The following PCDHA6 variants were observed in gnomAD, a reference collection of about 807,000 sequenced individuals.
The protein encoded by PCDHA6 is protocadherin alpha 6, also known as protocadherin alpha-6.
In PCDHA6, 55 loss-of-function variants were observed where a neutral mutation model predicts 60.3. The ratio of observed to expected loss-of-function variants is 0.91; its 90% confidence interval spans 0.73 to 1.14. PCDHA6 has a LOEUF of 1.14. Ranked by LOEUF, PCDHA6 falls within the 50% of genes most tolerant of loss-of-function variation. The pLI, the probability that PCDHA6 is intolerant of heterozygous loss-of-function variation, is 0.00. For synonymous variants in PCDHA6, 652 were observed against 557.9 expected (o/e 1.17, Z -2.38); for missense variants, 1,327 against 1,256.5 (o/e 1.06, Z -0.85).
At chr5:140,866,798 C>T (rs900250117) in intron 1 of PCDHA6, 1 of 152,110 alleles carries the variant, frequency 6.6e-6, no homozygotes, top group Non-Finnish European at 1.5e-5. Context: ...TAGTAAAAGT[C>T]AGGCACAAAG....
intron 1 of PCDHA6, among the ~76,000 whole-genome samples, chr5:140,891,837 G>T (rs563744812): frequency 2.9e-4 from 44 of 152,264 alleles, no homozygotes; most frequent in Admixed American, 1.9e-3. Flanking sequence ...AAAAGGACTT[G>T]ATGGAAGGAG....
intron 1 of PCDHA6, chr5:140,858,289 T>G: frequency 6.3e-7 from 1 of 1,597,184 alleles, no homozygotes; most frequent in African/African-American, 1.3e-5. Context: ...GGAGCTGGTC[T>G]TACTCGCAGC....
At chr5:141,001,985 GAAGTTC>G in intron 3 of PCDHA6, among the ~76,000 whole-genome samples, 1 of 152,312 alleles carries the variant, frequency 6.6e-6, no homozygotes, top group Admixed American at 6.5e-5. Context: ...GGAAAGCCTG[GAAGTTC>G]ACTTGCAAAC....
At chr5:140,831,334 C>G (rs188335072) in intron 1 of PCDHA6, 4 of 150,940 alleles carry the variant, frequency 2.7e-5, no homozygotes, top group African/African-American at 9.8e-5. Context: ...TGTTTCTACA[C>G]AGTAATTTAA....
chr5:140,853,754 A>C, intron 1 of PCDHA6: 1 of 988,728 alleles, frequency 1.0e-6, no homozygotes, highest in Non-Finnish European at 1.2e-6. Flanking sequence ...TCAAGGCTCC[A>C]CCTCAGAAAT....
chr5:140,875,261 G>A lies in PCDHA6; in HGVS notation c.2394+44776G>A. ...CTTACATAATCAGTCACATGATGTC[G>A]CTCTACACTCAGAAGGTGAAACAGG... On this transcript the variant is annotated intron_variant, in intron 1 of 3. Transcript: ENST00000529310. 4.4e-6 allele frequency: 5 copies of A among 1,130,464 alleles called. No individual in the cohort carries two copies. In the South Asian group the frequency reaches 7.4e-5, roughly 17 times the overall value. 70.0% of individuals were successfully genotyped at this position (1,130,464 alleles called of 1,614,324 possible).
intron 1 of PCDHA6, chr5:140,834,783 C>G (rs2150226514): frequency 3.1e-6 from 5 of 1,613,810 alleles, no homozygotes; most frequent in Non-Finnish European, 4.2e-6. Flanking sequence ...TCCGGTGTTC[C>G]CAGCGACACA....
At chr5:140,902,324 C>A (rs1554190388) in intron 1 of PCDHA6, among the ~76,000 whole-genome samples, 1 of 151,472 alleles carries the variant, frequency 6.6e-6, no homozygotes, top group Non-Finnish European at 1.5e-5. Context: ...AGGTGTAACT[C>A]ACTTCGCCTG....
chr5:140,884,057 G>A (rs141156800), intron 1 of PCDHA6: 6 of 1,613,540 alleles, frequency 3.7e-6, no homozygotes, highest in Non-Finnish European at 5.1e-6. Context: ...GGTGCGCGCG[G>A]TGGACGCCGA....
rs374028253 is a variant in PCDHA6, at chr5:140,876,864, G to C, written c.2394+46379G>C. ...CGCAGCCCGAGTACACAGTGTTCGT[G>C]AAGGAGAACAACCCGCCGGGCTGCC... is the stretch of plus-strand genomic sequence containing the variant. On this transcript the variant is annotated intron_variant, in intron 1 of 3. Transcript: ENST00000529310. The C allele has an allele frequency of 5.1e-5, 82 of 1,614,026 alleles. No individual in the cohort carries two copies. The African/African-American group carries it at 1.0e-3, about 20-fold the overall frequency.
At position 140,841,506 on chromosome 5, in the gene PCDHA6, G is replaced by C. The variant is rs2150316870; in HGVS notation, c.2394+11021G>C. ...CTGGAGCTGGCGGAGCTGGTGCCGC[G>C]CCTGTTCCGGGTGGCGTCCAAAAGA... On this transcript the variant is annotated intron_variant, in intron 1 of 3. Coordinates refer to ENST00000529310, the MANE Select transcript of PCDHA6 (RefSeq NM_018909.4). 4 of 1,613,388 alleles carry C rather than the reference G, an allele frequency of 2.5e-6. No homozygotes were observed. Among genetic ancestry groups the C allele is most frequent in the Admixed American group, 1.7e-5 (1 of 60,006 alleles).
intron 1 of PCDHA6, chr5:140,849,876 A>T (rs191347173): frequency 4.4e-6 from 7 of 1,598,522 alleles, no homozygotes; most frequent in Middle Eastern, 1.7e-4. Context: ...GTCCGAGTAC[A>T]CGGTGTTCGT....
At chr5:140,917,305 C>T (rs1554197951) in intron 1 of PCDHA6, among the ~76,000 whole-genome samples, 1 of 137,094 alleles carries the variant, frequency 7.3e-6, no homozygotes, top group African/African-American at 2.7e-5. Flanking sequence ...ATAGTTGTTA[C>T]AATTTGGTGT....
chr5:140,984,656 G>A (rs1465387950), intron 3 of PCDHA6, among the ~76,000 whole-genome samples: 2 of 152,082 alleles, frequency 1.3e-5, no homozygotes, highest in Non-Finnish European at 2.9e-5. Context: ...TGTCCTTCTG[G>A]TACTTTTAGG....
chr5:140,946,875 G>T (rs1283632599), intron 1 of PCDHA6, among the ~76,000 whole-genome samples: 1 of 151,288 alleles, frequency 6.6e-6, no homozygotes, highest in Non-Finnish European at 1.5e-5. Flanking sequence ...TGGTCAATGG[G>T]TACGAAGTTA....
chr5:140,877,706 T>TG (rs781796819), intron 1 of PCDHA6: 16 of 1,613,800 alleles, frequency 9.9e-6, no homozygotes, highest in Non-Finnish European at 1.4e-5. Context: ...TCCAGCGCCG[T>TG]GGGGAGTTGG....
At chr5:140,882,129 T>C (rs2153382855) in intron 1 of PCDHA6, 5 of 1,473,110 alleles carry the variant, frequency 3.4e-6, no homozygotes, top group Non-Finnish European at 2.7e-6. Context: ...TCTTTCTTCC[T>C]GCAGAAAATA....
intron 1 of PCDHA6, chr5:140,967,975 T>C (rs781819149): frequency 3.2e-5 from 52 of 1,614,016 alleles, no homozygotes; most frequent in African/African-American, 5.3e-5. Context: ...TGAGCCTGGG[T>C]CTGGAGGCCA....
At position 140,830,378 on chromosome 5, in the gene PCDHA6, G is replaced by T; in HGVS notation, c.2287G>T (p.Gly763Cys). Reference sequence around the variant, plus strand: ...GCGGCAGAGGGTGTGCTCCGGGGAGGGCCCACCCAAGATGGATCTCATGGC... The same window carrying T: ...GCGGCAGAGGGTGTGCTCCGGGGAGTGCCCACCCAAGATGGATCTCATGGC... The part of the protein sequence containing the change: ...QRRQRVCSGE[G>C]PPKMDLMAFS... The change falls in exon 1 of 4, where the codon GGC becomes TGC. Residue 763 changes from glycine (G) to cysteine (C), a missense_variant. Coordinates refer to ENST00000529310, the MANE Select transcript of PCDHA6 (RefSeq NM_018909.4). The T allele has an allele frequency of 6.2e-7, 1 of 1,614,122 alleles. No individual in the cohort carries two copies. The highest frequency in any genetic ancestry group is 1.3e-5 in the African/African-American group (1 of 75,036).
Sources: gnomAD v4.1 joint callset for allele counts (sites outside exome capture counted in the v4.1 genomes callset) on GRCh38, gnomAD v4.1.1 for gene constraint, MANE v1.5 for transcripts, NCBI Gene and HGNC (gene_info 2026-07-23, HGNC 2026-07-21) for gene names.